LRFN5: variants seen among roughly 807,000 people sequenced by gnomAD.
LRFN5 encodes the protein leucine-rich repeat and fibronectin type-III domain-containing protein 5.
Under a neutral mutation model 45.6 loss-of-function variants are expected in LRFN5, and 24 were observed. The ratio of observed to expected loss-of-function variants is 0.53; its 90% CI spans 0.38 to 0.74. The LOEUF (loss-of-function observed/expected upper bound fraction) is 0.74. LRFN5 is among the 30% of genes least tolerant of loss of function. The probability of loss-of-function intolerance (pLI) is 0.00; values close to 1 mark genes in which losing one functional copy is unlikely to be tolerated. For missense variants in LRFN5, 776 were observed against 861.5 expected (o/e 0.90, Z 1.24); for synonymous variants, 340 against 313.8 (o/e 1.08, Z -0.88).
chr14:41,829,968 TTAATACA>T (rs1459864741), intron 2 of LRFN5, among the ~76,000 whole-genome samples: 2 of 151,354 alleles, frequency 1.3e-5, no homozygotes, highest in East Asian at 3.9e-4. Context: ...ATTGTATTAC[TTAATACA>T]TAAATAAACT....
chr14:41,843,713 C>T (rs1429431386), intron 2 of LRFN5, among the ~76,000 whole-genome samples: 1 of 152,156 alleles, frequency 6.6e-6, no homozygotes, highest in East Asian at 1.9e-4. Context: ...TTCTTGCCTA[C>T]GTATACATAT....
chr14:41,655,409 A>G (rs1300325713), intron 1 of LRFN5, among the ~76,000 whole-genome samples: 1 of 151,972 alleles, frequency 6.6e-6, no homozygotes, highest in East Asian at 1.9e-4. Context: ...CACCCCTTAG[A>G]AAAAAAGCAT....
At chr14:41,646,410 A>G (rs374999192) in intron 1 of LRFN5, among the ~76,000 whole-genome samples, 3 of 152,300 alleles carry the variant, frequency 2.0e-5, no homozygotes, top group East Asian at 3.9e-4. Flanking sequence ...TTGCTGGACT[A>G]AAGCAAACTT....
At chr14:41,854,675 G>A (rs74045482) in intron 2 of LRFN5, among the ~76,000 whole-genome samples, 4,829 of 152,224 alleles carry the variant, frequency 0.032, 267 homozygotes, top group African/African-American at 0.11. Context: ...GTAATTGGAG[G>A]AAAGAAGAAA....
At chr14:41,837,359 G>A (rs1888699159) in intron 2 of LRFN5, among the ~76,000 whole-genome samples, 1 of 152,084 alleles carries the variant, frequency 6.6e-6, no homozygotes, top group African/African-American at 2.4e-5. Context: ...TGAAATGCTA[G>A]ACTTAGTACA....
At chr14:41,857,100 CAAT>C (rs1367752805) in intron 2 of LRFN5, among the ~76,000 whole-genome samples, 2 of 151,800 alleles carry the variant, frequency 1.3e-5, no homozygotes, top group African/African-American at 2.4e-5. Context: ...TATTAATGGC[CAAT>C]AATAACACTT....
intron 1 of LRFN5, among the ~76,000 whole-genome samples, chr14:41,699,145 C>T (rs1265884851): frequency 6.6e-6 from 1 of 151,878 alleles, no homozygotes; most frequent in Non-Finnish European, 1.5e-5. Context: ...GCTTCTCGAA[C>T]ATTAACGTAC....
In LRFN5 at chr14:41,671,622, T is replaced by TTTTTTG. The variant is rs1555352982; in HGVS notation, c.-197+63065_-197+63066insGTTTTT. Among the ~76,000 whole-genome samples, 83 of 137,108 alleles carry TTTTTTG rather than the reference T, an allele frequency of 6.1e-4. No homozygotes were observed. The East Asian group carries it at 0.018, about 29-fold the overall frequency. 89.9% of individuals were successfully genotyped at this position (137,108 alleles called of 152,430 possible). A position where few individuals can be genotyped will look rare whatever the true frequency, so the allele number is the denominator to read the frequency against. On this transcript the variant is annotated intron_variant, in intron 1 of 5. Coordinates refer to ENST00000298119, the MANE Select transcript of LRFN5 (RefSeq NM_152447.5). ...AGGAGAGATTTTTTTTTTTCGTTTT[T>TTTTTTG]TTTTTTTTTTTTTTTACGGAGTTTC...
intron 1 of LRFN5, among the ~76,000 whole-genome samples, chr14:41,651,593 A>G (rs1161882151): frequency 1.3e-5 from 2 of 152,204 alleles, no homozygotes; most frequent in African/African-American, 4.8e-5. Context: ...CTGCTAGAAT[A>G]AACCATCCTT....
chr14:41,894,381 C>A, intron 4 of LRFN5: 1 of 864,274 alleles, frequency 1.2e-6, no homozygotes, highest in Non-Finnish European at 1.4e-6. Flanking sequence ...TTTTGTTTGA[C>A]TAACACCATT....
chr14:41,829,866 C>G (rs1048249731), intron 2 of LRFN5, among the ~76,000 whole-genome samples: 3 of 150,570 alleles, frequency 2.0e-5, no homozygotes, highest in African/African-American at 7.3e-5. Flanking sequence ...TTCTTTGTCT[C>G]TTTTTAAAAT....
chr14:41,888,866 A>G (rs1890671842), intron 3 of LRFN5, among the ~76,000 whole-genome samples: 1 of 151,944 alleles, frequency 6.6e-6, no homozygotes, highest in Non-Finnish European at 1.5e-5. Context: ...AGTTAAAAAG[A>G]CATATTTTTA....
chr14:41,668,897 T>C (rs983960236), intron 1 of LRFN5, among the ~76,000 whole-genome samples: 3 of 152,114 alleles, frequency 2.0e-5, no homozygotes, highest in Non-Finnish European at 2.9e-5. Context: ...TTTATTCTTC[T>C]AAAAATTCGA....
intron 2 of LRFN5, among the ~76,000 whole-genome samples, chr14:41,876,118 A>G (rs1890175348): frequency 1.3e-5 from 2 of 152,126 alleles, no homozygotes; most frequent in Non-Finnish European, 2.9e-5. Context: ...TTATCTTCAC[A>G]GGTGCAGGAC....
intron 1 of LRFN5, among the ~76,000 whole-genome samples, chr14:41,663,605 C>T (rs1880758734): frequency 1.3e-5 from 2 of 151,930 alleles, no homozygotes; most frequent in Admixed American, 6.6e-5. Flanking sequence ...TCCGTGAAGA[C>T]ATTACTCATA....
chr14:41,689,097 AAATAAT>A (rs71440744), intron 1 of LRFN5, among the ~76,000 whole-genome samples: 1 of 151,044 alleles, frequency 6.6e-6, no homozygotes, highest in Non-Finnish European at 1.5e-5. Context: ...CCCATCTCTA[AAATAAT>A]AATAATAAAT....
chr14:41,606,959 G>A lies in LRFN5; in HGVS notation c.-1800G>A, dbSNP rs1193085130. On this transcript the variant is annotated 5_prime_UTR_variant, in exon 1 of 6. Transcript: ENST00000298119. ...CGCCGTTGCCCACACGCGACGCTTT[G>A]GGAAGCCCAGCTCCCGGGTCCGCCC... Among the ~76,000 whole-genome samples, 1 of 151,952 alleles carries A rather than the reference G, an allele frequency of 6.6e-6. No homozygotes were observed. Among genetic ancestry groups the A allele is most frequent in the Non-Finnish European group, 1.5e-5 (1 of 67,954 alleles).
intron 1 of LRFN5, among the ~76,000 whole-genome samples, chr14:41,749,081 A>G (rs1485578034): frequency 1.3e-5 from 2 of 152,048 alleles, no homozygotes; most frequent in African/African-American, 2.4e-5. Flanking sequence ...TGTTATGATA[A>G]CTTGGCCACT....
At chr14:41,698,059 G>T (rs1882690290) in intron 1 of LRFN5, among the ~76,000 whole-genome samples, 1 of 151,876 alleles carries the variant, frequency 6.6e-6, no homozygotes, top group Non-Finnish European at 1.5e-5. Context: ...ACATGAAGGG[G>T]ATAGTTGTAA....
Sources: gnomAD v4.1 joint callset for allele counts (sites outside exome capture counted in the v4.1 genomes callset) on GRCh38, gnomAD v4.1.1 for gene constraint, MANE v1.5 for transcripts, NCBI Gene and HGNC (gene_info 2026-07-23, HGNC 2026-07-21) for gene names.